Variants in ATXN7L1 observed in about 807,000 individuals in gnomAD.
ATXN7L1 encodes the protein ataxin 7 like 1.
ATXN7L1 carries 15 observed loss-of-function variants against 70.8 expected under a neutral mutation model. That is an observed-to-expected ratio of 0.21 (90% CI 0.14 to 0.33). The LOEUF (loss-of-function observed/expected upper bound fraction) is 0.33. Ranked by LOEUF, ATXN7L1 falls within the 10% of genes least tolerant of loss-of-function variation. The pLI is 1.00. For synonymous variants in ATXN7L1, 440 were observed against 445.1 expected (o/e 0.99, Z 0.14); for missense variants, 975 against 1,097.1 (o/e 0.89, Z 1.57).
intron 3 of ATXN7L1, chr7:105,761,522 G>C: frequency 6.3e-7 from 1 of 1,590,932 alleles, no homozygotes; most frequent in Non-Finnish European, 8.6e-7. Flanking sequence ...GGCTCCTTTG[G>C]AAATTATATT....
intron 4 of ATXN7L1, among the ~76,000 whole-genome samples, chr7:105,655,113 T>G (rs1800415420): frequency 6.6e-6 from 1 of 152,162 alleles, no homozygotes; most frequent in Non-Finnish European, 1.5e-5. Flanking sequence ...GGATTCCCTA[T>G]TTCTGAGCAC....
chr7:105,778,687 TTATC>T (rs2116458429), intron 3 of ATXN7L1, among the ~76,000 whole-genome samples: 1 of 152,284 alleles, frequency 6.6e-6, no homozygotes, highest in Non-Finnish European at 1.5e-5. Flanking sequence ...TGGAGGAAAT[TTATC>T]TACTCTTTGT....
intron 2 of ATXN7L1, among the ~76,000 whole-genome samples, chr7:105,837,066 G>A (rs534442004): frequency 6.2e-4 from 95 of 152,264 alleles, no homozygotes; most frequent in African/African-American, 2.1e-3. Context: ...GACGAAGCGC[G>A]AGAGAGTGAG....
Position 105,614,768 on chromosome 7 carries a change from G to A in ATXN7L1, c.1566C>T (p.His522=), listed in dbSNP as rs187589973. The A allele has an allele frequency of 4.1e-5, 64 of 1,551,742 alleles. No individual in the cohort carries two copies. In the East Asian group the frequency reaches 1.3e-3, roughly 31 times the overall value. The change falls in exon 10 of 12, where the codon CAC becomes CAT. Residue 522 remains histidine (H), a synonymous_variant. Transcript: ENST00000419735. This position sits in a 1 kb window ranked among gnomAD's most constrained non-coding sequence, Gnocchi z 4.3. The part of the protein sequence containing the change: ...ADSPLPSPAA[H]ITTPVPASVL... ...CGGATGCTGGAACGGGGGTGGTGAT[G>A]TGGGCTGCTGGCGAGGGCAGGGGGC...
chr7:105,774,803 G>A (rs1184159223), intron 3 of ATXN7L1, among the ~76,000 whole-genome samples: 1 of 152,118 alleles, frequency 6.6e-6, no homozygotes, highest in East Asian at 1.9e-4. Flanking sequence ...TTATAAAGAT[G>A]AGCAGAAAAC....
intron 2 of ATXN7L1, among the ~76,000 whole-genome samples, chr7:105,812,943 A>G (rs1808641069): frequency 6.6e-6 from 1 of 152,014 alleles, no homozygotes; most frequent in African/African-American, 2.4e-5. Context: ...TCAAGGCTGC[A>G]GTTGGCTGTG....
At chr7:105,621,726 C>A (rs76637462) in intron 8 of ATXN7L1, among the ~76,000 whole-genome samples, 4,375 of 152,310 alleles carry the variant, frequency 0.029, 112 homozygotes, top group South Asian at 0.056. Flanking sequence ...AACTCAAAAG[C>A]AGCTCTCCCC....
At chr7:105,643,560 G>T (rs1263435444) in intron 4 of ATXN7L1, among the ~76,000 whole-genome samples, 2 of 152,250 alleles carry the variant, frequency 1.3e-5, no homozygotes, top group African/African-American at 4.8e-5. Context: ...CCCCCAGCCC[G>T]GCCCGGATCG....
At chr7:105,662,977 C>T (rs922138834) in intron 4 of ATXN7L1, among the ~76,000 whole-genome samples, 4 of 152,142 alleles carry the variant, frequency 2.6e-5, no homozygotes, top group Non-Finnish European at 5.9e-5. Context: ...ATTATTGGCC[C>T]CACTTTACAG....
rs1218078856 is a variant in ATXN7L1, at chr7:105,614,495, G to A, written c.1839C>T (p.Ser613=). 1 of 1,534,480 alleles carries A rather than the reference G, an allele frequency of 6.5e-7. No individual in the cohort carries two copies. ...AVSPIPAVIP[S]PSHKPSKTKT... is the part of the protein sequence containing the mutation. ...TGGTTTTGGATGGCTTGTGGGATGG[G>A]GAAGGGATGACGGCTGGTATCGGGG... The change falls in exon 10 of 12, where the codon TCC becomes TCT. Residue 613 remains serine, a synonymous_variant. Transcript: ENST00000419735. The surrounding 1 kb of genome is among the most constrained non-coding windows in gnomAD (Gnocchi z 4.3).
intron 2 of ATXN7L1, among the ~76,000 whole-genome samples, chr7:105,811,997 C>G (rs753345070): frequency 2.6e-5 from 4 of 152,236 alleles, no homozygotes; most frequent in African/African-American, 7.2e-5. Flanking sequence ...CCAGCTTCCC[C>G]TTTCCCTTCT....
chr7:105,690,592 G>C (rs1167694405), intron 3 of ATXN7L1, among the ~76,000 whole-genome samples: 1 of 152,116 alleles, frequency 6.6e-6, no homozygotes, highest in Non-Finnish European at 1.5e-5. Flanking sequence ...GATTTGTTTA[G>C]TTTAAAATAT....
chr7:105,787,542 G>T (rs757643293), intron 3 of ATXN7L1, among the ~76,000 whole-genome samples: 5 of 152,012 alleles, frequency 3.3e-5, no homozygotes, highest in Non-Finnish European at 5.9e-5. Context: ...ACATATACAC[G>T]TGTTTGCAGT....
At chr7:105,786,280 T>C (rs1356107184) in intron 3 of ATXN7L1, among the ~76,000 whole-genome samples, 1 of 152,158 alleles carries the variant, frequency 6.6e-6, no homozygotes, top group Non-Finnish European at 1.5e-5. Flanking sequence ...CCCAAAGCCA[T>C]GGGCTGTCCC....
rs560473692 is a variant in ATXN7L1 at position 105,633,445 on chromosome 7, C to T, written c.1202+4908G>A. Reference sequence around the variant, plus strand: ...GATTTTTAAAAATGCAGGCTGGGTGCGGTGGCTCACGCCTGTAATCCTAGC... The same window carrying T: ...GATTTTTAAAAATGCAGGCTGGGTGTGGTGGCTCACGCCTGTAATCCTAGC... On this transcript the variant is annotated intron_variant, in intron 7 of 11. Transcript: ENST00000419735. Among the ~76,000 whole-genome samples, 5 of 152,226 alleles carry T rather than the reference C, an allele frequency of 3.3e-5. No homozygotes were observed. The East Asian group carries it at 5.8e-4, about 18-fold the overall frequency.
intron 7 of ATXN7L1, among the ~76,000 whole-genome samples, chr7:105,634,304 G>A (rs146225824): frequency 3.3e-5 from 5 of 152,306 alleles, no homozygotes; most frequent in African/African-American, 1.2e-4. Context: ...TCAACTCAGG[G>A]AAATGCAGAG....
rs370785668 is a variant in ATXN7L1, at chr7:105,858,653, C to T, written c.250+17159G>A. On this transcript the variant is annotated intron_variant, in intron 2 of 11. Coordinates refer to ENST00000419735, the MANE Select transcript of ATXN7L1 (RefSeq NM_020725.2). The stretch of plus-strand genomic sequence containing the variant: ...GTCATCCATATCTAATAATAGGGCA[C>T]CCTGATATCTTGTAACCCCTGGATG... 9.9e-5 allele frequency among the ~76,000 whole-genome samples: 15 copies of T among 152,270 alleles called. No individual in the cohort carries two copies. The East Asian group carries it at 2.3e-3, about 23-fold the overall frequency.
chr7:105,756,683 A>C (rs1010884168), intron 3 of ATXN7L1, among the ~76,000 whole-genome samples: 2 of 152,240 alleles, frequency 1.3e-5, no homozygotes, highest in Non-Finnish European at 2.9e-5. Context: ...TTATGCAAGA[A>C]ATGAAAGCTT....
intron 2 of ATXN7L1, among the ~76,000 whole-genome samples, chr7:105,803,944 G>A (rs1807190863): frequency 6.6e-6 from 1 of 152,114 alleles, no homozygotes; most frequent in South Asian, 2.1e-4. Context: ...GTCCAGGAAG[G>A]AACCCTCCAC....
Sources: allele counts gnomAD v4.1 joint callset (sites outside exome capture counted in the v4.1 genomes callset), GRCh38; gene constraint gnomAD v4.1.1; non-coding constraint Gnocchi (gnomAD v3.1); transcripts MANE v1.5; gene names NCBI Gene and HGNC (gene_info 2026-07-23, HGNC 2026-07-21).